The following SLC35A3 variants were observed in gnomAD, a reference collection of about 807,000 sequenced individuals.
The protein encoded by SLC35A3 is solute carrier family 35 member A3.
In SLC35A3, 26 loss-of-function variants were observed where a neutral mutation model predicts 39.0. That is an observed-to-expected ratio of 0.67 (90% confidence interval 0.49 to 0.92). The LOEUF (loss-of-function observed/expected upper bound fraction) is 0.92, where lower values mean the gene tolerates loss of function less well. SLC35A3 is among the 40% of genes least tolerant of loss of function. The probability of loss-of-function intolerance (pLI) is 0.00; values close to 1 mark genes in which losing one functional copy is unlikely to be tolerated. For synonymous variants in SLC35A3, 135 were observed against 133.1 expected (o/e 1.01, Z -0.10); for missense variants, 299 against 371.6 (o/e 0.80, Z 1.61).
Position 100,034,170 on chromosome 1 carries a change from G to C in SLC35A3, c.*11694G>C, listed in dbSNP as rs1661385514. 1 of 152,004 alleles carries C rather than the reference G, an allele frequency of 6.6e-6. No individual in the cohort carries two copies. Among genetic ancestry groups the C allele is most frequent in the South Asian group, 2.1e-4 (1 of 4,824 alleles). The allele number at this position is 152,004 out of a possible 1,614,324, so 9.4% of individuals were successfully genotyped here. On this transcript the variant is annotated 3_prime_UTR_variant, in exon 8 of 8. Coordinates refer to ENST00000533028, the MANE Select transcript of SLC35A3 (RefSeq NM_012243.3). The stretch of plus-strand genomic sequence containing the variant: ...CATTTTGTTTGTTGTTTTTTACCTA[G>C]AGACCCAGATAATTTTTTCTATATT...
At position 100,011,360 on chromosome 1, in the gene SLC35A3, T is replaced by A; in HGVS notation, c.466-5T>A. On this transcript the variant is annotated splice_polypyrimidine_tract_variant and splice_region_variant and intron_variant, in intron 4 of 7. Transcript: ENST00000533028. ...AACTTCAATTTTATTTTTCTTCTTA[T>A]TTAGTGGCCCTCAGATTCTCAGCTT... The A allele has an allele frequency of 7.0e-7, 1 of 1,429,126 alleles. No homozygotes were observed. The highest frequency in any genetic ancestry group is 9.4e-7 in the Non-Finnish European group (1 of 1,064,950). The allele number at this position is 1,429,126 out of a possible 1,614,324, so 88.5% of individuals were successfully genotyped here. A position where few individuals can be genotyped will look rare whatever the true frequency, so the allele number is the denominator to read the frequency against.
chr1:99,980,334 G>GT (rs1158140573), intron 1 of SLC35A3, among the ~76,000 whole-genome samples: 1 of 152,098 alleles, frequency 6.6e-6, no homozygotes, highest in African/African-American at 2.4e-5. Context: ...TTGCATGAGA[G>GT]TGTGGGGAAA....
chr1:99,990,984 A>G (rs746059563), intron 1 of SLC35A3, among the ~76,000 whole-genome samples: 7 of 152,212 alleles, frequency 4.6e-5, no homozygotes, highest in African/African-American at 1.7e-4. Context: ...CTCATCTTGG[A>G]CTTCCAGCCT....
intron 2 of SLC35A3, among the ~76,000 whole-genome samples, chr1:99,994,048 T>G (rs905369566): frequency 2.0e-5 from 3 of 152,082 alleles, no homozygotes; most frequent in Non-Finnish European, 4.4e-5. Context: ...CATAATAATT[T>G]TTTTACTAAT....
chr1:100,026,292 T>C lies in SLC35A3; in HGVS notation c.*3816T>C, dbSNP rs1660907655. ...ATAATATTTAATTATCATGGGTGTA[T>C]GCTTTACATAAAAAAGGTTTATAAA... On this transcript the variant is annotated 3_prime_UTR_variant, in exon 8 of 8. Coordinates refer to ENST00000533028, the MANE Select transcript of SLC35A3 (RefSeq NM_012243.3). 2 of 152,182 alleles carry C rather than the reference T, an allele frequency of 1.3e-5. No individual in the cohort carries two copies. Among genetic ancestry groups the C allele is most frequent in the South Asian group, 2.1e-4 (1 of 4,836 alleles). The allele number at this position is 152,182 out of a possible 1,614,324, so 9.4% of individuals were successfully genotyped here. A position where few individuals can be genotyped will look rare whatever the true frequency, so the allele number is the denominator to read the frequency against.
chr1:99,974,615 C>T (rs1390101911), intron 1 of SLC35A3, among the ~76,000 whole-genome samples: 1 of 152,146 alleles, frequency 6.6e-6, no homozygotes, highest in Non-Finnish European at 1.5e-5. Context: ...CTGGTGTGAT[C>T]AGTCCATAGA....
In SLC35A3 at chr1:100,025,712, G is replaced by A. The variant is rs1660874568; in HGVS notation, c.*3236G>A. On this transcript the variant is annotated 3_prime_UTR_variant, in exon 8 of 8. Transcript: ENST00000533028. ...TTGTGTGTGTGATGTGTGTTTTGAT[G>A]ACCTCCACAGGCCTTACTGTATCAA... is the stretch of plus-strand genomic sequence containing the variant. 1 of 152,088 alleles carries A rather than the reference G, an allele frequency of 6.6e-6. No individual in the cohort carries two copies. Among genetic ancestry groups the A allele is most frequent in the Admixed American group, 6.5e-5 (1 of 15,276 alleles). 9.4% of individuals were successfully genotyped at this position (152,088 alleles called of 1,614,324 possible).
At chr1:99,973,816 A>C (rs965870700) in intron 1 of SLC35A3, among the ~76,000 whole-genome samples, 2 of 152,188 alleles carry the variant, frequency 1.3e-5, no homozygotes, top group African/African-American at 2.4e-5. Context: ...GGAGTTTAAG[A>C]CCAGCCTGAC....
At chr1:100,001,487 T>G (rs539375740) in intron 3 of SLC35A3, among the ~76,000 whole-genome samples, 1 of 152,252 alleles carries the variant, frequency 6.6e-6, no homozygotes, top group African/African-American at 2.4e-5. Context: ...CTTTCTTTAT[T>G]TCTTTTTCAG....
intron 3 of SLC35A3, among the ~76,000 whole-genome samples, chr1:100,001,804 C>T (rs1369321545): frequency 6.6e-6 from 1 of 151,802 alleles, no homozygotes; most frequent in East Asian, 1.9e-4. Context: ...TTGATATGTT[C>T]CTAGGAATAT....
At position 100,030,635 on chromosome 1, in the gene SLC35A3, TA is replaced by T. The variant is rs1225866130; in HGVS notation, c.*8162del. On this transcript the variant is annotated 3_prime_UTR_variant, in exon 8 of 8. Transcript: ENST00000533028. Reference sequence around the variant, plus strand: ...ATTTAAGAGGTTCAGTTAAATGTACTAAATCAGACTTGTGTGATTTAGACAC... The same window carrying T: ...ATTTAAGAGGTTCAGTTAAATGTACTAATCAGACTTGTGTGATTTAGACAC... 3 of 152,212 alleles carry T rather than the reference TA, an allele frequency of 2.0e-5. No homozygotes were observed. The highest frequency in any genetic ancestry group is 3.8e-4 in the East Asian group (2 of 5,206). The allele number at this position is 152,212 out of a possible 1,614,324, so 9.4% of individuals were successfully genotyped here.
chr1:100,006,994 A>G, intron 3 of SLC35A3, 40 bp from the exon 4 acceptor site: 1 of 1,556,390 alleles, frequency 6.4e-7, no homozygotes, highest in Non-Finnish European at 8.7e-7. Context: ...CAAACAAACA[A>G]ACAAACGAAC....
chr1:99,972,453 A>T (rs1199167794), intron 1 of SLC35A3, among the ~76,000 whole-genome samples: 1 of 149,070 alleles, frequency 6.7e-6, no homozygotes, highest in Non-Finnish European at 1.5e-5. Context: ...CTTCTGCCTC[A>T]GCCTCTCGAG....
chr1:100,017,620 G>A, intron 6 of SLC35A3, 62 bp from the exon 7 acceptor site: 1 of 1,035,858 alleles, frequency 9.7e-7, no homozygotes, highest in Non-Finnish European at 1.4e-6. Flanking sequence ...ATTAAATACT[G>A]AAAGTGTTTT....
rs566272208 is a variant in SLC35A3, at chr1:100,011,384, T to C, written c.485T>C (p.Leu162Pro). ...ATTTAGTGGCCCTCAGATTCTCAGCTTGATTCTAAGGAACTTTCAGCTGGT... is the reference window on the plus strand; with the variant it reads ...ATTTAGTGGCCCTCAGATTCTCAGCCTGATTCTAAGGAACTTTCAGCTGGT... Reference protein sequence around the residue: ...AFVQWPSDSQLDSKELSAGSQ... With the variant: ...AFVQWPSDSQPDSKELSAGSQ... Residue 162 changes from leucine (L) to proline (P), a missense_variant, in exon 5 of 8, where the codon CTT becomes CCT. By Grantham distance (98) the Leu-to-Pro change is moderately conservative (BLOSUM62 -3). Coordinates refer to ENST00000533028, the MANE Select transcript of SLC35A3 (RefSeq NM_012243.3). The C allele has an allele frequency of 3.9e-6, 6 of 1,541,038 alleles. No homozygotes were observed. In the South Asian group the frequency reaches 5.1e-5, roughly 13 times the overall value.
chr1:100,024,684 T>C lies in SLC35A3; in HGVS notation c.*2208T>C. 2.6e-6 allele frequency: 1 copy of C among 384,846 alleles called. No homozygotes were observed. The highest frequency in any genetic ancestry group is 4.6e-6 in the Non-Finnish European group (1 of 218,704). The allele number at this position is 384,846 out of a possible 1,614,324, so 23.8% of individuals were successfully genotyped here. ...GCCAGGCTGGAGTGCTGTGGCGCGA[T>C]CTCGGCTTACTGCAACCTCCCACTC... On this transcript the variant is annotated 3_prime_UTR_variant, in exon 8 of 8. Transcript: ENST00000533028.
intron 1 of SLC35A3, among the ~76,000 whole-genome samples, chr1:99,978,476 G>A (rs973474763): frequency 1.2e-4 from 18 of 152,172 alleles, no homozygotes; most frequent in African/African-American, 4.3e-4. Flanking sequence ...GCAGTGAGCC[G>A]TGGCATGCCA....
At chr1:99,996,412 AC>A (rs1658400780) in intron 2 of SLC35A3, among the ~76,000 whole-genome samples, 1 of 152,206 alleles carries the variant, frequency 6.6e-6, no homozygotes, top group South Asian at 2.1e-4. Flanking sequence ...CAGGTAATTC[AC>A]AGAAGAAGAA....
chr1:100,019,046 G>T (rs1295574360), intron 7 of SLC35A3, among the ~76,000 whole-genome samples: 1 of 151,872 alleles, frequency 6.6e-6, no homozygotes, highest in Admixed American at 6.6e-5. Context: ...TCTTAATTTT[G>T]TAATCTTAAT....
Sources: gnomAD v4.1 joint callset for allele counts (sites outside exome capture counted in the v4.1 genomes callset) on GRCh38, gnomAD v4.1.1 for gene constraint, MANE v1.5 for transcripts, NCBI Gene and HGNC (gene_info 2026-07-23, HGNC 2026-07-21) for gene names.